Variants in LARP4 observed in about 807,000 individuals in gnomAD.
The protein encoded by LARP4 is la-related protein 4.
Under a neutral mutation model 92.9 loss-of-function variants are expected in LARP4, and 29 were observed. That is an observed-to-expected ratio of 0.31 (90% CI 0.23 to 0.43). The LOEUF is 0.43. LARP4 is among the 20% of genes least tolerant of loss of function. The probability of loss-of-function intolerance (pLI) is 1.00; values close to 1 mark genes in which losing one functional copy is unlikely to be tolerated. For missense variants in LARP4, 732 were observed against 860.0 expected, an observed-to-expected ratio of 0.85 and a Z score of 1.86; for synonymous variants, 279 against 284.1, an observed-to-expected ratio of 0.98 and a Z score of 0.18.
chr12:50,428,141 G>A (rs560960679), intron 2 of LARP4, among the ~76,000 whole-genome samples: 3 of 151,904 alleles, frequency 2.0e-5, no homozygotes, highest in East Asian at 1.9e-4. Flanking sequence ...GATTACAGGC[G>A]CCTGGCTTTA....
rs576014905 is a variant in LARP4 at position 50,476,402 on chromosome 12, A to G, written c.*538A>G. The G allele has an allele frequency of 2.0e-5, 3 of 152,692 alleles. No individual in the cohort carries two copies. Among genetic ancestry groups the G allele is most frequent in the African/African-American group, 7.2e-5 (3 of 41,560 alleles). 9.5% of individuals were successfully genotyped at this position (152,692 alleles called of 1,614,324 possible). On this transcript the variant is annotated 3_prime_UTR_variant, in exon 16 of 16. Transcript: ENST00000398473. ...GTGCCTGTTGTGGGTGTGAGTGTGT[A>G]CAAGAGCGATTGAAGCCAAATCTGT...
intron 6 of LARP4, 149 bp from the exon 7 acceptor site, chr12:50,440,290 A>G (rs1034855267): frequency 4.5e-5 from 28 of 622,926 alleles, no homozygotes; most frequent in Middle Eastern, 3.8e-4. Context: ...GAAACAGCCC[A>G]TCCTCAGTGG....
At chr12:50,431,128 C>T (rs898250143) in intron 4 of LARP4, among the ~76,000 whole-genome samples, 1 of 151,990 alleles carries the variant, frequency 6.6e-6, no homozygotes, top group African/African-American at 2.4e-5. Context: ...ATTAGCGGGG[C>T]ATGGTGGTGC....
chr12:50,441,534 A>G (rs1327807985), intron 7 of LARP4, 56 bp from the exon 8 acceptor site: 2 of 1,251,458 alleles, frequency 1.6e-6, no homozygotes, highest in Non-Finnish European at 1.1e-6. Flanking sequence ...TAATAAAGAT[A>G]ACTTTACTGA....
intron 1 of LARP4, among the ~76,000 whole-genome samples, chr12:50,408,187 C>CTTTTT (rs71083565): frequency 4.3e-5 from 3 of 69,260 alleles, no homozygotes; most frequent in Non-Finnish European, 7.1e-5. Context: ...GGATTTTCTG[C>CTTTTT]TTTTTTTTTT....
intron 10 of LARP4, among the ~76,000 whole-genome samples, chr12:50,459,798 T>TG (rs1955001317): frequency 8.0e-6 from 1 of 125,398 alleles, no homozygotes; most frequent in African/African-American, 3.3e-5. Flanking sequence ...CACTCCAGCC[T>TG]GGCGACAGAG....
At chr12:50,405,217 G>A (rs1330598899) in intron 1 of LARP4, among the ~76,000 whole-genome samples, 12 of 152,022 alleles carry the variant, frequency 7.9e-5, no homozygotes. Flanking sequence ...TTCCACCTCT[G>A]TTCTGAAGGA....
chr12:50,402,716 G>C (rs1944097689), intron 1 of LARP4: 1 of 449,450 alleles, frequency 2.2e-6, no homozygotes, highest in African/African-American at 2.0e-5. Flanking sequence ...ACTTTACTTA[G>C]TAAAAGTAAA....
Position 50,428,950 on chromosome 12 carries a change from C to T in LARP4, c.182C>T (p.Ser61Leu), listed in dbSNP as rs1309427853. Residue 61 changes from serine (S) to leucine (L), a missense_variant, in exon 3 of 16, where the codon TCA becomes TTA. By Grantham distance (145) the Ser-to-Leu change is moderately radical (BLOSUM62 -2). Transcript: ENST00000398473. ...TTTAATACAGGTAATGCAGAGCTCT[C>T]AGAAGATATATGTAAAGAATATGAA... ...GAHPEGNAELSEDICKEYEVM... is the reference protein window; with the variant it reads ...GAHPEGNAELLEDICKEYEVM... 1 of 1,595,306 alleles carries T rather than the reference C, an allele frequency of 6.3e-7. No homozygotes were observed. Among genetic ancestry groups the T allele is most frequent in the Non-Finnish European group, 8.5e-7 (1 of 1,170,124 alleles).
intron 1 of LARP4, 138 bp downstream of exon 1, chr12:50,401,166 G>C (rs2136140116): frequency 1.1e-6 from 1 of 925,426 alleles, no homozygotes; most frequent in Non-Finnish European, 1.8e-6. Context: ...CACCTGGGCC[G>C]AGCAGGCCTG....
Position 50,467,056 on chromosome 12 carries a change from T to C in LARP4, c.1481T>C (p.Met494Thr). ...FPPLPGSSSRMPGELVLENRM... is the reference protein window; with the variant it reads ...FPPLPGSSSRTPGELVLENRM... ...CCTTTACCTGGAAGTTCATCAAGAA[T>C]GCCAGGTGAACTCGTTTTGGAGAAT... is the stretch of plus-strand genomic sequence containing the variant. Residue 494 changes from methionine to threonine, a missense_variant, in exon 13 of 16, where the codon ATG becomes ACG. Coordinates refer to ENST00000398473, the MANE Select transcript of LARP4 (RefSeq NM_052879.5). 1 of 1,613,856 alleles carries C rather than the reference T, an allele frequency of 6.2e-7. No individual in the cohort carries two copies. The highest frequency in any genetic ancestry group is 8.5e-7 in the Non-Finnish European group (1 of 1,179,784).
chr12:50,428,918 G>A lies in LARP4; in HGVS notation c.167-17G>A, dbSNP rs1949219396. The A allele has an allele frequency of 6.5e-7, 1 of 1,538,544 alleles. No homozygotes were observed. Among genetic ancestry groups the A allele is most frequent in the Admixed American group, 2.1e-5 (1 of 47,304 alleles). On this transcript the variant is annotated splice_polypyrimidine_tract_variant and intron_variant, in intron 2 of 15. Transcript: ENST00000398473. ...TAAATAATTCCCATTTACTTTCAGT[G>A]TCTGTCTTTAATACAGGTAATGCAG...
chr12:50,442,253 G>C (rs923513978), intron 8 of LARP4, among the ~76,000 whole-genome samples: 1 of 152,152 alleles, frequency 6.6e-6, no homozygotes, highest in Non-Finnish European at 1.5e-5. Flanking sequence ...TTTAGTAACA[G>C]ATGAAAAATA....
rs182196496 is a variant in LARP4 at position 50,421,238 on chromosome 12, C to T, written c.19-6524C>T. 126 of 983,278 alleles carry T rather than the reference C, an allele frequency of 1.3e-4. No individual in the cohort carries two copies. In the East Asian group the frequency reaches 5.6e-3, roughly 43 times the overall value. 60.9% of individuals were successfully genotyped at this position (983,278 alleles called of 1,614,324 possible). ...TGCTTTGATTACAGGCGTGAGCCAC[C>T]GTACCCAGCCGGCTTTTAACGTACT... On this transcript the variant is annotated intron_variant, in intron 1 of 15. Coordinates refer to ENST00000398473, the MANE Select transcript of LARP4 (RefSeq NM_052879.5).
intron 13 of LARP4, among the ~76,000 whole-genome samples, chr12:50,472,385 A>G (rs1375026007): frequency 6.6e-6 from 1 of 151,804 alleles, no homozygotes; most frequent in Admixed American, 6.6e-5. Context: ...TGAATTGACT[A>G]CTCTTAGTAA....
At chr12:50,403,366 C>T (rs1003079754) in intron 1 of LARP4, among the ~76,000 whole-genome samples, 9 of 152,140 alleles carry the variant, frequency 5.9e-5, no homozygotes, top group Non-Finnish European at 1.3e-4. Flanking sequence ...TGTATGTGAC[C>T]TTGTCACCAA....
At chr12:50,424,805 G>C (rs368222100) in intron 1 of LARP4, among the ~76,000 whole-genome samples, 3 of 152,218 alleles carry the variant, frequency 2.0e-5, no homozygotes, top group South Asian at 4.2e-4. Context: ...TTTGGATTCA[G>C]GAGTGACTCC....
chr12:50,466,535 G>A (rs1354329751), intron 12 of LARP4, among the ~76,000 whole-genome samples: 1 of 152,080 alleles, frequency 6.6e-6, no homozygotes, highest in East Asian at 1.9e-4. Context: ...GATTACTTGA[G>A]TCCAGGAAGT....
chr12:50,401,907 T>C (rs1943921196), intron 1 of LARP4, among the ~76,000 whole-genome samples: 1 of 152,248 alleles, frequency 6.6e-6, no homozygotes, highest in Admixed American at 6.5e-5. Context: ...AATTCTGTCC[T>C]CTTGTGTGCA....
Sources: gnomAD v4.1 joint callset for allele counts (sites outside exome capture counted in the v4.1 genomes callset) on GRCh38, gnomAD v4.1.1 for gene constraint, MANE v1.5 for transcripts, NCBI Gene and HGNC (gene_info 2026-07-23, HGNC 2026-07-21) for gene names.